Variants in ANK3 observed in about 807,000 individuals in gnomAD.
ANK3 encodes ankyrin 3.
In ANK3, 57 loss-of-function variants were observed where a neutral mutation model predicts 370.9. The ratio of observed to expected loss-of-function variants is 0.15; its 90% CI spans 0.12 to 0.19. The LOEUF (loss-of-function observed/expected upper bound fraction) is 0.19. ANK3 is among the 10% of genes least tolerant of loss of function. ANK3 has a pLI of 1.00. For missense variants in ANK3, 4,439 were observed against 5,302.1 expected (o/e 0.84, Z 5.06); for synonymous variants, 1,929 against 1,946.3 (o/e 0.99, Z 0.23).
rs552172186 is a variant in ANK3 at position 60,487,142 on chromosome 10, G to A, written c.96+128044C>T. On this transcript the variant is annotated intron_variant, in intron 2 of 43. Coordinates refer to the ANK3 transcript ENST00000373827. Reference sequence around the variant, plus strand: ...GAGGGGAAAATAACTAAACCAAATAGTAAGAACTCTATACTATCAATATTT... The same window carrying A: ...GAGGGGAAAATAACTAAACCAAATAATAAGAACTCTATACTATCAATATTT... Among the ~76,000 whole-genome samples, 18 of 152,178 alleles carry A rather than the reference G, an allele frequency of 1.2e-4. No individual in the cohort carries two copies. In the East Asian group the frequency reaches 2.9e-3, roughly 25 times the overall value.
chr10:60,072,772 C>A lies in ANK3; in HGVS notation c.8109G>T (p.Gly2703=). 2 of 1,614,082 alleles carry A rather than the reference C, an allele frequency of 1.2e-6. No individual in the cohort carries two copies. Among genetic ancestry groups the A allele is most frequent in the Non-Finnish European group, 1.7e-6 (2 of 1,179,994 alleles). Residue 2703 remains glycine (G), a synonymous_variant, in exon 37 of 44, where the codon GGG becomes GGT. Coordinates refer to ENST00000280772, the MANE Select transcript of ANK3 (RefSeq NM_020987.5). ...GTTTGAGCTGGAATCCAGACTGGGG[C>A]CCATCTGGTGCTTTGCTCTGTGAAA... The part of the protein sequence containing the change: ...GSISQSKAPD[G]PQSGFQLKQS...
At chr10:60,080,858 A>T (rs1231077954) in intron 35 of ANK3, among the ~76,000 whole-genome samples, 1 of 152,236 alleles carries the variant, frequency 6.6e-6, no homozygotes, top group Non-Finnish European at 1.5e-5. Flanking sequence ...GACAAGCATT[A>T]CAGAGACTTC....
chr10:60,710,383 C>T (rs759768846), intron 1 of ANK3, among the ~76,000 whole-genome samples: 7 of 152,064 alleles, frequency 4.6e-5, no homozygotes, highest in East Asian at 2.0e-4. Context: ...TTCTCTCAAG[C>T]GTAAATGGCA....
chr10:60,086,619 T>A (rs2086743681), intron 30 of ANK3, 58 bp downstream of exon 30: 1 of 1,433,940 alleles, frequency 7.0e-7, no homozygotes, highest in African/African-American at 1.4e-5. Context: ...TACACAAATA[T>A]ATCTTTGTAC....
chr10:60,259,944 C>T (rs757194488), intron 7 of ANK3, among the ~76,000 whole-genome samples: 8 of 152,166 alleles, frequency 5.3e-5, no homozygotes, highest in Non-Finnish European at 8.8e-5. Context: ...CTTGGATCTG[C>T]CACATCAAGG....
rs572805039 is a variant in ANK3, at chr10:60,212,591, C to T, written c.996+821G>A. On this transcript the variant is annotated intron_variant, in intron 9 of 43. Coordinates refer to ENST00000280772, the MANE Select transcript of ANK3 (RefSeq NM_020987.5). Reference sequence around the variant, plus strand: ...CAACAGCTCACCAATCTAAACCCTACGTTTTAAATGAGTGATGGAATTGTC... The same window carrying T: ...CAACAGCTCACCAATCTAAACCCTATGTTTTAAATGAGTGATGGAATTGTC... Among the ~76,000 whole-genome samples, 8 of 152,246 alleles carry T rather than the reference C, an allele frequency of 5.3e-5. No homozygotes were observed. In the South Asian group the frequency reaches 6.2e-4, roughly 12 times the overall value.
intron 25 of ANK3, among the ~76,000 whole-genome samples, chr10:60,131,422 A>G (rs2094062049): frequency 6.6e-6 from 1 of 152,082 alleles, no homozygotes; most frequent in African/African-American, 2.4e-5. Context: ...TATCAACTTA[A>G]AGTTTATTTT....
intron 1 of ANK3, among the ~76,000 whole-genome samples, chr10:60,657,712 G>A (rs932139578): frequency 1.3e-5 from 2 of 152,028 alleles, no homozygotes; most frequent in African/African-American, 2.4e-5. Context: ...GTCGTGTGGT[G>A]TAAATATCAA....
intron 2 of ANK3, among the ~76,000 whole-genome samples, chr10:60,485,762 G>A (rs925693932): frequency 1.3e-5 from 2 of 152,178 alleles, no homozygotes; most frequent in African/African-American, 2.4e-5. Context: ...CACTTGAGTT[G>A]TATTTGCTGG....
chr10:60,111,103 T>C (rs1210357571), intron 26 of ANK3, among the ~76,000 whole-genome samples: 1 of 152,212 alleles, frequency 6.6e-6, no homozygotes, highest in Non-Finnish European at 1.5e-5. Flanking sequence ...CGGTTACTAA[T>C]ACTAATGGAT....
intron 1 of ANK3, among the ~76,000 whole-genome samples, chr10:60,633,405 C>T (rs890018748): frequency 2.6e-5 from 4 of 152,006 alleles, no homozygotes; most frequent in Admixed American, 2.0e-4. Flanking sequence ...TAATAATAGA[C>T]TGCTGGAGTT....
rs1273128803 is a variant in ANK3 at position 60,069,431 on chromosome 10, G to C, written c.11450C>G (p.Thr3817Ser). The stretch of plus-strand genomic sequence containing the variant: ...TTTCACTGGGTTATCTTTCTCTGTG[G>C]TACAAGTGGGTGCAGAATGTTCTGT... ...VLTEHSAPTC[T>S]TEKDNPVKVS... The change falls in exon 37 of 44, where the codon ACC (threonine) becomes AGC (serine). Residue 3817 changes from threonine (T) to serine (S), a missense_variant. Physicochemically the swap from Thr to Ser is moderately conservative, Grantham distance 58. This residue lies in a region of ANK3 where 496 missense variants were observed against 529.3 expected (regional missense o/e 0.94). Transcript: ENST00000280772. The C allele has an allele frequency of 1.9e-6, 3 of 1,613,840 alleles. No individual in the cohort carries two copies. Among genetic ancestry groups the C allele is most frequent in the African/African-American group, 1.3e-5 (1 of 74,938 alleles).
intron 1 of ANK3, among the ~76,000 whole-genome samples, chr10:60,363,864 T>C (rs1003240675): frequency 1.3e-5 from 2 of 151,990 alleles, no homozygotes; most frequent in African/African-American, 4.8e-5. Context: ...CCTTTTCTTA[T>C]AGAAAAACAT....
intron 8 of ANK3, among the ~76,000 whole-genome samples, chr10:60,231,617 G>T (rs575492173): frequency 6.6e-6 from 1 of 152,006 alleles, no homozygotes; most frequent in South Asian, 2.1e-4. Context: ...ATTTTAGCCC[G>T]CTCCTTCCCT....
At chr10:60,417,344 G>T (rs1351645017) in intron 2 of ANK3, among the ~76,000 whole-genome samples, 1 of 152,136 alleles carries the variant, frequency 6.6e-6, no homozygotes, top group African/African-American at 2.4e-5. Context: ...TGCCCCCAGG[G>T]ATAAAGAAAA....
At chr10:60,108,171 G>T (rs1355783600) in intron 27 of ANK3, 1 of 437,752 alleles carries the variant, frequency 2.3e-6, no homozygotes, top group Non-Finnish European at 4.6e-6. Flanking sequence ...TCTGTATCTT[G>T]TCTATAAAGG....
chr10:60,430,472 C>T (rs2063991633), intron 2 of ANK3, among the ~76,000 whole-genome samples: 1 of 77,456 alleles, frequency 1.3e-5, no homozygotes, highest in Non-Finnish European at 2.7e-5. Flanking sequence ...TCAGAATCTG[C>T]TCTGGTGAAA....
intron 2 of ANK3, among the ~76,000 whole-genome samples, chr10:60,583,683 C>A (rs982321129): frequency 6.6e-6 from 1 of 151,736 alleles, no homozygotes; most frequent in Non-Finnish European, 1.5e-5. Context: ...TCCGGGTTCA[C>A]GCGATTCTCC....
At chr10:60,594,005 T>C (rs2077952895) in intron 2 of ANK3, among the ~76,000 whole-genome samples, 1 of 152,202 alleles carries the variant, frequency 6.6e-6, no homozygotes, top group African/African-American at 2.4e-5. Flanking sequence ...CGTAGTCCCA[T>C]TGAAGCTTCC....
Sources: gnomAD v4.1 joint callset for allele counts (sites outside exome capture counted in the v4.1 genomes callset) on GRCh38, gnomAD v4.1.1 for gene constraint, gnomAD v4.1.1 regional missense constraint, MANE v1.5 for transcripts, NCBI Gene and HGNC (gene_info 2026-07-23, HGNC 2026-07-21) for gene names.